KCNT1: variants seen among roughly 807,000 people sequenced by gnomAD.
The protein encoded by KCNT1 is potassium sodium-activated channel subfamily T member 1.
Under a neutral mutation model 147.8 loss-of-function variants are expected in KCNT1, and 78 were observed. That is an observed-to-expected ratio of 0.53 (90% confidence interval 0.44 to 0.64). The LOEUF is 0.64. KCNT1 is among the 30% of genes least tolerant of loss of function. KCNT1 has a pLI of 0.00. For missense variants in KCNT1, 1,419 were observed against 1,750.3 expected, an observed-to-expected ratio of 0.81 and a Z score of 3.38; for synonymous variants, 867 against 748.8, an observed-to-expected ratio of 1.16 and a Z score of -2.58.
intron 2 of KCNT1, among the ~76,000 whole-genome samples, chr9:135,724,320 G>A (rs1351345869): frequency 1.3e-5 from 2 of 152,250 alleles, no homozygotes. Context: ...GAGACAGCGG[G>A]CCCCGCGTGC....
intron 2 of KCNT1, among the ~76,000 whole-genome samples, chr9:135,745,031 G>A (rs1487048094): frequency 6.6e-6 from 1 of 152,234 alleles, no homozygotes. Context: ...GTGGGGGTCG[G>A]GACCCGTGGC....
rs564488203 is a variant in KCNT1, at chr9:135,777,232, G to A, written c.2350-106G>A. ...AAGGGCTGTGGGCCGAGAGGCTAACGGCTGGGTGTTCACGGGGGATGTTTG... is the reference window on the plus strand; with the variant it reads ...AAGGGCTGTGGGCCGAGAGGCTAACAGCTGGGTGTTCACGGGGGATGTTTG... On this transcript the variant is annotated intron_variant, in intron 20 of 30. Coordinates refer to ENST00000371757, the MANE Select transcript of KCNT1 (RefSeq NM_020822.3). 292 of 1,243,780 alleles carry A rather than the reference G, an allele frequency of 2.3e-4. 2 individuals are homozygous for A. The highest frequency in any genetic ancestry group is 2.1e-3 in the South Asian group (148 of 70,924). The allele number at this position is 1,243,780 out of a possible 1,614,324, so 77.0% of individuals were successfully genotyped here.
At chr9:135,724,235 T>C (rs1004501949) in intron 2 of KCNT1, among the ~76,000 whole-genome samples, 1 of 152,200 alleles carries the variant, frequency 6.6e-6, no homozygotes, top group African/African-American at 2.4e-5. Context: ...TGGGGTGCTT[T>C]TCATCCCCGG....
At chr9:135,769,544 C>T (rs1181995454) in intron 15 of KCNT1, among the ~76,000 whole-genome samples, 1 of 152,158 alleles carries the variant, frequency 6.6e-6, no homozygotes, top group Non-Finnish European at 1.5e-5. Context: ...GGTCAGAGGT[C>T]AGGTGGGGGC....
At chr9:135,739,171 C>T (rs2131377540) in intron 2 of KCNT1, among the ~76,000 whole-genome samples, 1 of 152,236 alleles carries the variant, frequency 6.6e-6, no homozygotes, top group African/African-American at 2.4e-5. Context: ...GCAGGGGGCC[C>T]ATGCTGAGGA....
In KCNT1 at chr9:135,774,050, GTATGT is replaced by G. The variant is rs1006924021; in HGVS notation, c.2243+1107_2243+1111del. On this transcript the variant is annotated intron_variant, in intron 19 of 30. Coordinates refer to ENST00000371757, the MANE Select transcript of KCNT1 (RefSeq NM_020822.3). ...GGTGTGTCCGGTGTGTGTGTGTGGT[GTATGT>G]TATGTGTGTGGTGTGTGTCCATATG... Among the ~76,000 whole-genome samples, 118 of 152,160 alleles carry G rather than the reference GTATGT, an allele frequency of 7.8e-4. 1 individual carries two copies. The highest frequency in any genetic ancestry group is 2.5e-3 in the African/African-American group (103 of 41,526).
chr9:135,783,751 C>T (rs1004780398), intron 24 of KCNT1, among the ~76,000 whole-genome samples: 7 of 152,232 alleles, frequency 4.6e-5, no homozygotes, highest in South Asian at 4.1e-4. Context: ...TGGCAGCCGC[C>T]GGGAGTCCAC....
intron 1 of KCNT1, among the ~76,000 whole-genome samples, chr9:135,709,330 C>T (rs1464451429): frequency 6.6e-6 from 1 of 152,184 alleles, no homozygotes; most frequent in Non-Finnish European, 1.5e-5. Flanking sequence ...AGCTGTCAGT[C>T]GCTCCTCAGT....
intron 22 of KCNT1, 93 bp from the exon 23 acceptor site, chr9:135,778,595 C>A: frequency 6.2e-7 from 1 of 1,601,808 alleles, no homozygotes; most frequent in Non-Finnish European, 8.5e-7. Flanking sequence ...GGGTGGGGGG[C>A]TGAGGTCCTC....
intron 2 of KCNT1, among the ~76,000 whole-genome samples, chr9:135,732,995 C>T (rs1830167967): frequency 6.6e-6 from 1 of 151,942 alleles, no homozygotes; most frequent in Non-Finnish European, 1.5e-5. Flanking sequence ...CCGGCACTCC[C>T]AGTTTGGACT....
chr9:135,777,528 C>G lies in KCNT1; in HGVS notation c.2522+18C>G. 1 of 1,607,300 alleles carries G rather than the reference C, an allele frequency of 6.2e-7. No individual in the cohort carries two copies. Among genetic ancestry groups the G allele is most frequent in the East Asian group, 2.2e-5 (1 of 44,800 alleles). Reference sequence around the variant, plus strand: ...GACAACAAGTGAGGCTCCTGGGGCTCAGCCCACCCCGCCCACCCGGGCCCT... The same window carrying G: ...GACAACAAGTGAGGCTCCTGGGGCTGAGCCCACCCCGCCCACCCGGGCCCT... On this transcript the variant is annotated intron_variant, in intron 21 of 30. Coordinates refer to ENST00000371757, the MANE Select transcript of KCNT1 (RefSeq NM_020822.3).
intron 11 of KCNT1, among the ~76,000 whole-genome samples, chr9:135,764,402 G>A (rs1315520665): frequency 6.6e-6 from 1 of 152,238 alleles, no homozygotes; most frequent in East Asian, 1.9e-4. Context: ...CAAGGCTGCA[G>A]TGAGCTGTGA....
Position 135,702,320 on chromosome 9 carries a change from GC to G in KCNT1, c.63del (p.Tyr22ThrfsTer33). 6.2e-7 allele frequency: 1 copy of G among 1,611,580 alleles called. No individual in the cohort carries two copies. The highest frequency in any genetic ancestry group is 8.5e-7 in the Non-Finnish European group (1 of 1,179,318). ...GTCTGCCGGGAGGCGCGCGGCGGGGGCTACACCAACCGGACCTTCGAGTTTG... is the reference window on the plus strand; with the variant it reads ...GTCTGCCGGGAGGCGCGCGGCGGGGGTACACCAACCGGACCTTCGAGTTTG... The part of the protein sequence containing the change: ...GGVCREARGG[G>X]YTNRTFEFDD... On this transcript the variant is annotated frameshift_variant, in exon 1 of 31. Coordinates refer to ENST00000371757, the MANE Select transcript of KCNT1 (RefSeq NM_020822.3). LOFTEE classifies it high-confidence loss of function.
intron 6 of KCNT1, among the ~76,000 whole-genome samples, chr9:135,756,544 C>T (rs777338930): frequency 2.6e-5 from 4 of 152,188 alleles, no homozygotes; most frequent in African/African-American, 7.2e-5. Flanking sequence ...CCTCCATCTC[C>T]GTTCCCTCCC....
intron 2 of KCNT1, among the ~76,000 whole-genome samples, chr9:135,732,020 A>AGAGAGAGAGAGAGAGAGAGAGAGAGG (rs1836491149): frequency 4.0e-5 from 5 of 126,312 alleles, no homozygotes; most frequent in African/African-American, 1.2e-4. Flanking sequence ...AGAGAGAGAG[A>AGAGAGAGAGAGAGAGAGAGAGAGAGG]GAGAGAGAGA....
rs1184232068 is a variant in KCNT1, at chr9:135,791,908, A to C, written c.3587+27A>C. On this transcript the variant is annotated intron_variant, in intron 30 of 30. Coordinates refer to ENST00000371757, the MANE Select transcript of KCNT1 (RefSeq NM_020822.3). ...TGAGTAGCACCTGTGGGCTGTGTGG[A>C]GACCCCCCCTGAGCACCAGGTGGGC... 1.9e-6 allele frequency: 3 copies of C among 1,611,394 alleles called. No individual in the cohort carries two copies. The African/African-American group carries it at 4.1e-5, about 22-fold the overall frequency.
intron 2 of KCNT1, among the ~76,000 whole-genome samples, chr9:135,732,202 A>G (rs1268418557): frequency 6.6e-6 from 1 of 151,644 alleles, no homozygotes; most frequent in Non-Finnish European, 1.5e-5. Flanking sequence ...TATTTTTAGT[A>G]GAGATGGGGT....
chr9:135,741,294 G>A (rs1354427055), intron 2 of KCNT1, among the ~76,000 whole-genome samples: 2 of 152,210 alleles, frequency 1.3e-5, no homozygotes, highest in East Asian at 1.9e-4. Flanking sequence ...CTGGGAGAGA[G>A]GACACAGTGG....
In KCNT1 at chr9:135,757,354, G is replaced by A. The variant is rs759580596; in HGVS notation, c.732G>A (p.Leu244=). The change falls in exon 9 of 31, where the codon CTG becomes CTA. Residue 244 remains leucine, a synonymous_variant. Transcript: ENST00000371757. ...LFIPVFLNCW[L]AKHALENMIN... ...TCCCCGTCTTTCTGAACTGCTGGCTGGCCAAGCACGCGCTGGAAAACATGA... is the reference window on the plus strand; with the variant it reads ...TCCCCGTCTTTCTGAACTGCTGGCTAGCCAAGCACGCGCTGGAAAACATGA... 61 of 1,610,328 alleles carry A rather than the reference G, an allele frequency of 3.8e-5. No homozygotes were observed. Among genetic ancestry groups the A allele is most frequent in the Non-Finnish European group, 5.0e-5 (59 of 1,179,972 alleles).
Sources: allele counts gnomAD v4.1 joint callset (sites outside exome capture counted in the v4.1 genomes callset), GRCh38; gene constraint gnomAD v4.1.1; transcripts MANE v1.5; gene names NCBI Gene and HGNC (gene_info 2026-07-23, HGNC 2026-07-21).